Variants in VSTM4 observed in about 807,000 individuals in gnomAD.
The protein encoded by VSTM4 is V-set and transmembrane domain-containing protein 4.
Under a neutral mutation model 36.4 loss-of-function variants are expected in VSTM4, and 20 were observed. The ratio of observed to expected loss-of-function variants is 0.55; its 90% CI spans 0.39 to 0.80. VSTM4 has a LOEUF of 0.80. VSTM4 is among the 30% of genes least tolerant of loss of function. The pLI, the probability that VSTM4 is intolerant of heterozygous loss-of-function variation, is 0.00. For missense variants in VSTM4, 392 were observed against 404.5 expected, an observed-to-expected ratio of 0.97 and a Z score of 0.26; for synonymous variants, 182 against 173.9, an observed-to-expected ratio of 1.05 and a Z score of -0.37.
chr10:49,065,273 C>A (rs571478714), intron 4 of VSTM4, among the ~76,000 whole-genome samples: 1 of 152,160 alleles, frequency 6.6e-6, no homozygotes, highest in Non-Finnish European at 1.5e-5. Flanking sequence ...GCACATAATC[C>A]AGCAAGTGTC....
intron 4 of VSTM4, among the ~76,000 whole-genome samples, chr10:49,066,281 C>G (rs545229115): frequency 6.6e-6 from 1 of 152,254 alleles, no homozygotes; most frequent in African/African-American, 2.4e-5. Context: ...AATGAGACAT[C>G]AAACAAGAAT....
intron 5 of VSTM4, among the ~76,000 whole-genome samples, chr10:49,063,405 T>C (rs935755543): frequency 6.6e-5 from 10 of 152,218 alleles, no homozygotes; most frequent in African/African-American, 2.2e-4. Flanking sequence ...CCAGTGTTGA[T>C]CTGATCTATT....
intron 7 of VSTM4, among the ~76,000 whole-genome samples, chr10:49,027,395 C>A (rs1319345100): frequency 1.3e-5 from 2 of 152,212 alleles, no homozygotes; most frequent in Non-Finnish European, 2.9e-5. Context: ...ATTACAGTTC[C>A]ACTCATGCCT....
At position 49,107,834 on chromosome 10, in the gene VSTM4, C is replaced by A. The variant is rs1844815902; in HGVS notation, c.217G>T (p.Ala73Ser). The change falls in exon 2 of 8, where the codon GCC becomes TCC. Residue 73 changes from alanine to serine, a missense_variant. Coordinates refer to ENST00000332853, the MANE Select transcript of VSTM4 (RefSeq NM_001031746.5). Reference sequence around the variant, plus strand: ...AGCTTGGTCATCTTCACCATCAAGGCCTCCTGGGAGTCGAAGGAGTGTGCA... The same window carrying A: ...AGCTTGGTCATCTTCACCATCAAGGACTCCTGGGAGTCGAAGGAGTGTGCA... ...FFAHSFDSQE[A>S]LMVKMTKLRV... 6.2e-7 allele frequency: 1 copy of A among 1,614,126 alleles called. No individual in the cohort carries two copies. Among genetic ancestry groups the A allele is most frequent in the South Asian group, 1.1e-5 (1 of 91,090 alleles).
intron 5 of VSTM4, among the ~76,000 whole-genome samples, chr10:49,053,458 C>G (rs1400425143): frequency 6.6e-6 from 1 of 152,200 alleles, no homozygotes; most frequent in African/African-American, 2.4e-5. Flanking sequence ...AGAGAGGTGA[C>G]CCTGGGCAAG....
rs980499814 is a variant in VSTM4, at chr10:49,051,039, C to T, written c.669-2455G>A. 3.9e-5 allele frequency among the ~76,000 whole-genome samples: 6 copies of T among 152,100 alleles called. No individual in the cohort carries two copies. In the South Asian group the frequency reaches 6.2e-4, roughly 16 times the overall value. On this transcript the variant is annotated intron_variant, in intron 5 of 7. Transcript: ENST00000332853. ...AGGGCATTTGCTACAACTGAGGAAC[C>T]GACATTAGACATCAGTATCCCTCAA...
At chr10:49,075,499 G>C (rs1463468394) in intron 4 of VSTM4, among the ~76,000 whole-genome samples, 1 of 152,264 alleles carries the variant, frequency 6.6e-6, no homozygotes, top group Non-Finnish European at 1.5e-5. Context: ...TCCTCTTGAA[G>C]GAAGGCCCAT....
At chr10:49,058,397 T>C (rs1843819517) in intron 5 of VSTM4, among the ~76,000 whole-genome samples, 1 of 152,162 alleles carries the variant, frequency 6.6e-6, no homozygotes. Context: ...GATTTCGTTT[T>C]CACTCCGGGT....
chr10:49,047,497 G>A (rs997641180), intron 6 of VSTM4, among the ~76,000 whole-genome samples: 3 of 152,210 alleles, frequency 2.0e-5, no homozygotes, highest in Non-Finnish European at 4.4e-5. Context: ...ACGGTGTCAT[G>A]TCACTAATCT....
At chr10:49,021,495 T>A (rs748279406) in intron 7 of VSTM4, among the ~76,000 whole-genome samples, 1 of 152,110 alleles carries the variant, frequency 6.6e-6, no homozygotes, top group African/African-American at 2.4e-5. Flanking sequence ...TTAAAGGGAT[T>A]TGCAATTCAA....
chr10:49,087,947 CATATGTAATATATATGTGTATATAT>C (rs1188693240), intron 2 of VSTM4, among the ~76,000 whole-genome samples: 88 of 133,888 alleles, frequency 6.6e-4, no homozygotes, highest in African/African-American at 3.0e-3. Context: ...TGTATATATA[CATATGTAATATATATGTGTATATAT>C]ACATATGTAA....
rs141261776 is a variant in VSTM4, at chr10:49,023,999, C to G, written c.838-4224G>C. ...GATGTTGTAATCACTGGAAAACAGA[C>G]AGCAAGAGTGAACCAACTGCTGCTG... is the stretch of plus-strand genomic sequence containing the variant. On this transcript the variant is annotated intron_variant, in intron 7 of 7. Transcript: ENST00000332853. Among the ~76,000 whole-genome samples the G allele has an allele frequency of 6.6e-5, 10 of 152,312 alleles. No individual in the cohort carries two copies. In the East Asian group the frequency reaches 1.7e-3, roughly 26 times the overall value.
intron 7 of VSTM4, among the ~76,000 whole-genome samples, chr10:49,030,072 G>A (rs1877806): frequency 0.17 from 25,839 of 152,218 alleles, 2,408 homozygotes; most frequent in South Asian, 0.36. Context: ...CTGTGTGTGG[G>A]GTGGCAGCAG....
intron 2 of VSTM4, among the ~76,000 whole-genome samples, chr10:49,088,894 C>T (rs895987659): frequency 3.3e-5 from 5 of 152,218 alleles, no homozygotes; most frequent in Non-Finnish European, 7.3e-5. Context: ...GGACCCTTAC[C>T]ACCCCACATG....
intron 2 of VSTM4, among the ~76,000 whole-genome samples, chr10:49,106,698 C>G (rs1844789566): frequency 6.6e-6 from 1 of 152,206 alleles, no homozygotes; most frequent in African/African-American, 2.4e-5. Flanking sequence ...TGCCCGGCAC[C>G]CCCCAGCCAA....
chr10:49,048,812 G>C (rs1215576202), intron 5 of VSTM4, among the ~76,000 whole-genome samples: 1 of 152,224 alleles, frequency 6.6e-6, no homozygotes, highest in African/African-American at 2.4e-5. Flanking sequence ...AGTTGAGCCA[G>C]TTGGTGATTT....
At chr10:49,081,317 C>G (rs1230767007) in intron 3 of VSTM4, among the ~76,000 whole-genome samples, 1 of 152,196 alleles carries the variant, frequency 6.6e-6, no homozygotes, top group East Asian at 1.9e-4. Context: ...CAAATGTGGT[C>G]CCCAGACCAA....
At chr10:49,039,217 G>A (rs1396908078) in intron 7 of VSTM4, among the ~76,000 whole-genome samples, 1 of 152,078 alleles carries the variant, frequency 6.6e-6, no homozygotes, top group Non-Finnish European at 1.5e-5. Context: ...GGAGGATGAG[G>A]CAGGCGTAGG....
At chr10:49,036,862 T>C (rs1482666205) in intron 7 of VSTM4, among the ~76,000 whole-genome samples, 2 of 152,240 alleles carry the variant, frequency 1.3e-5, no homozygotes, top group Non-Finnish European at 2.9e-5. Flanking sequence ...GCAGGGTCCC[T>C]CTGAACAAGG....
Sources: allele counts gnomAD v4.1 joint callset (sites outside exome capture counted in the v4.1 genomes callset), GRCh38; gene constraint gnomAD v4.1.1; transcripts MANE v1.5; gene names NCBI Gene and HGNC (gene_info 2026-07-23, HGNC 2026-07-21).